The following RANBP17 variants were observed in gnomAD, a reference collection of about 807,000 sequenced individuals.
RANBP17 encodes RAN binding protein 17.
In RANBP17, 158 loss-of-function variants were observed where a neutral mutation model predicts 141.2. The ratio of observed to expected loss-of-function variants is 1.12; its 90% CI spans 0.98 to 1.28. The LOEUF (loss-of-function observed/expected upper bound fraction) is 1.28. Among genes scored for constraint, RANBP17 ranks in the 50% most tolerant of loss-of-function variants. The pLI is 0.00. For missense variants in RANBP17, 1,438 were observed against 1,290.7 expected (o/e 1.11, Z -1.75); for synonymous variants, 430 against 450.0 (o/e 0.96, Z 0.56).
intron 24 of RANBP17, among the ~76,000 whole-genome samples, chr5:171,259,070 A>G (rs1766114277): frequency 6.6e-6 from 1 of 152,230 alleles, no homozygotes. Flanking sequence ...ACATGAATAG[A>G]CATTTCTCAA....
rs77649890 is a variant in RANBP17 at position 170,913,506 on chromosome 5, T to C, written c.761-661T>C. ...GATTAAGTCCAGCGAGTATTAGAAA[T>C]GTGATGTAATTACAGCTCAGCCGTT... On this transcript the variant is annotated intron_variant, in intron 7 of 27. Transcript: ENST00000523189. Among the ~76,000 whole-genome samples, 498 of 152,148 alleles carry C rather than the reference T, an allele frequency of 3.3e-3. 2 individuals are homozygous for C. The highest frequency in any genetic ancestry group is 0.011 in the African/African-American group (465 of 41,532).
At chr5:171,243,680 A>G (rs1765027362) in intron 24 of RANBP17, among the ~76,000 whole-genome samples, 1 of 152,220 alleles carries the variant, frequency 6.6e-6, no homozygotes. Flanking sequence ...ATACTCACTA[A>G]CATTATTAAC....
At chr5:171,195,174 T>G (rs966501019) in intron 18 of RANBP17, among the ~76,000 whole-genome samples, 3 of 152,210 alleles carry the variant, frequency 2.0e-5, no homozygotes, top group Non-Finnish European at 4.4e-5. Context: ...CAAATCATAT[T>G]GGTTTCTGTA....
intron 14 of RANBP17, among the ~76,000 whole-genome samples, chr5:171,102,601 C>T (rs951753700): frequency 6.6e-6 from 1 of 152,000 alleles, no homozygotes; most frequent in African/African-American, 2.4e-5. Context: ...TCTATCAATT[C>T]GTCAAACTAA....
intron 18 of RANBP17, among the ~76,000 whole-genome samples, chr5:171,187,282 G>A: frequency 6.6e-6 from 1 of 151,938 alleles, no homozygotes; most frequent in East Asian, 1.9e-4. Flanking sequence ...ACATCAAAGG[G>A]CACAGATTAC....
chr5:170,872,872 G>A (rs533408067), intron 1 of RANBP17, among the ~76,000 whole-genome samples: 41 of 152,178 alleles, frequency 2.7e-4, no homozygotes, highest in African/African-American at 9.6e-4. Context: ...TTGCATCCCA[G>A]GGATGAAGTC....
rs534274554 is a variant in RANBP17 at position 171,028,420 on chromosome 5, T to G, written c.1710+60043T>G. 1.8e-4 allele frequency among the ~76,000 whole-genome samples: 27 copies of G among 152,276 alleles called. No homozygotes were observed. In the East Asian group the frequency reaches 5.0e-3, roughly 28 times the overall value. On this transcript the variant is annotated intron_variant, in intron 14 of 27. Transcript: ENST00000523189. ...AGGCACTGTTGTTTGGAATGCCAGA[T>G]AAGTTAACCTCTGTAAGATATATAT...
intron 16 of RANBP17, among the ~76,000 whole-genome samples, chr5:171,171,699 C>T (rs932450317): frequency 6.6e-6 from 1 of 151,888 alleles, no homozygotes; most frequent in Non-Finnish European, 1.5e-5. Flanking sequence ...AACTGCATTC[C>T]TGTGAGTAAA....
chr5:171,207,115 G>GT (rs1762625227), intron 20 of RANBP17: 1 of 163,582 alleles, frequency 6.1e-6, no homozygotes, highest in African/African-American at 2.4e-5. Flanking sequence ...TGCTACAGGT[G>GT]TGCTCCACTG....
intron 14 of RANBP17, among the ~76,000 whole-genome samples, chr5:171,028,192 A>T (rs1288044659): frequency 6.6e-6 from 1 of 152,130 alleles, no homozygotes; most frequent in Non-Finnish European, 1.5e-5. Context: ...TGGAATAGAC[A>T]TTGTAGAATC....
At chr5:171,230,257 T>C (rs1421931830) in intron 22 of RANBP17, among the ~76,000 whole-genome samples, 1 of 152,088 alleles carries the variant, frequency 6.6e-6, no homozygotes, top group East Asian at 1.9e-4. Flanking sequence ...GCAATATTTC[T>C]TGAAGGGAAA....
At chr5:171,008,406 G>A (rs1317022891) in intron 14 of RANBP17, among the ~76,000 whole-genome samples, 1 of 152,184 alleles carries the variant, frequency 6.6e-6, no homozygotes, top group Non-Finnish European at 1.5e-5. Context: ...CGGGTCTTTG[G>A]CACCAAATGT....
chr5:171,274,730 C>T (rs1767385469), intron 25 of RANBP17, among the ~76,000 whole-genome samples: 1 of 152,048 alleles, frequency 6.6e-6, no homozygotes, highest in Non-Finnish European at 1.5e-5. Flanking sequence ...GCAAAGTAAA[C>T]CCCCAAAATA....
intron 12 of RANBP17, among the ~76,000 whole-genome samples, chr5:170,950,021 T>A (rs550648040): frequency 1.3e-5 from 2 of 152,150 alleles, no homozygotes; most frequent in South Asian, 4.2e-4. Flanking sequence ...AATAAAATGG[T>A]GCTGGGAAAA....
chr5:170,892,633 T>C (rs1382108679), intron 4 of RANBP17, 80 bp downstream of exon 4: 2 of 1,118,928 alleles, frequency 1.8e-6, no homozygotes, highest in African/African-American at 1.6e-5. Context: ...TAAAGCGATA[T>C]AGTTTGTTTT....
At chr5:171,011,615 T>C (rs1185026250) in intron 14 of RANBP17, among the ~76,000 whole-genome samples, 1 of 152,092 alleles carries the variant, frequency 6.6e-6, no homozygotes, top group Non-Finnish European at 1.5e-5. Context: ...CATTTATGCA[T>C]ACATATGATA....
intron 14 of RANBP17, among the ~76,000 whole-genome samples, chr5:171,114,769 C>G (rs752204300): frequency 2.0e-5 from 3 of 149,932 alleles, no homozygotes; most frequent in African/African-American, 4.9e-5. Flanking sequence ...TATGCCAGAC[C>G]CTTTGCTTAA....
chr5:171,122,326 A>C, intron 14 of RANBP17, among the ~76,000 whole-genome samples: 1 of 152,286 alleles, frequency 6.6e-6, no homozygotes, highest in East Asian at 1.9e-4. Flanking sequence ...CTAGTCAGCT[A>C]TCTTGCTGAC....
chr5:171,155,094 A>AAAAAAAAAAATAT (rs34090443), intron 14 of RANBP17, among the ~76,000 whole-genome samples: 1 of 74,988 alleles, frequency 1.3e-5, no homozygotes, highest in African/African-American at 5.2e-5. Context: ...AAAAAAAAAA[A>AAAAAAAAAAATAT]ATATATATAT....
Sources: allele counts gnomAD v4.1 joint callset (sites outside exome capture counted in the v4.1 genomes callset), GRCh38; gene constraint gnomAD v4.1.1; transcripts MANE v1.5; gene names NCBI Gene and HGNC (gene_info 2026-07-23, HGNC 2026-07-21).